Variants in RIMS1 observed in about 807,000 individuals in gnomAD.
The protein encoded by RIMS1 is regulating synaptic membrane exocytosis 1, also known as regulating synaptic membrane exocytosis protein 1.
Under a neutral mutation model 214.1 loss-of-function variants are expected in RIMS1, and 83 were observed. The observed-to-expected ratio is 0.39, with a 90% CI of 0.32 to 0.47. The LOEUF is 0.47. Among genes scored for constraint, RIMS1 ranks in the 20% least tolerant of loss-of-function variants. The pLI is 0.99. For synonymous variants in RIMS1, 793 were observed against 786.8 expected (o/e 1.01, Z -0.13); for missense variants, 2,050 against 2,161.8 (o/e 0.95, Z 1.03).
intron 4 of RIMS1, among the ~76,000 whole-genome samples, chr6:72,100,994 G>T (rs890883669): frequency 6.6e-6 from 1 of 151,934 alleles, no homozygotes; most frequent in Non-Finnish European, 1.5e-5. Flanking sequence ...TTGACTGTAT[G>T]TGGGATAATT....
chr6:72,087,068 T>C (rs1279267967), intron 2 of RIMS1, among the ~76,000 whole-genome samples: 1 of 152,240 alleles, frequency 6.6e-6, no homozygotes, highest in African/African-American at 2.4e-5. Flanking sequence ...AAGTTTTACG[T>C]TGATTTGCTG....
rs760594975 is a variant in RIMS1, at chr6:72,399,004, G to A, written c.4770G>A (p.Lys1590=). Residue 1590 remains lysine (K), a synonymous_variant, in exon 33 of 34, where the codon AAG becomes AAA. Transcript: ENST00000521978. ...YLLENGACIA[K]KKTRIARKTL... Reference sequence around the variant, plus strand: ...TGGAAAATGGGGCCTGTATAGCCAAGAAGAAGACAAGAATTGCACGAAAAA... The same window carrying A: ...TGGAAAATGGGGCCTGTATAGCCAAAAAGAAGACAAGAATTGCACGAAAAA... 2 of 1,610,298 alleles carry A rather than the reference G, an allele frequency of 1.2e-6. No homozygotes were observed. The highest frequency in any genetic ancestry group is 1.7e-6 in the Non-Finnish European group (2 of 1,177,270).
intron 26 of RIMS1, among the ~76,000 whole-genome samples, chr6:72,300,429 G>A (rs1345069867): frequency 1.3e-5 from 2 of 151,718 alleles, no homozygotes; most frequent in Non-Finnish European, 3.0e-5. Context: ...TTTAAATTTA[G>A]CAGAATTGTG....
chr6:72,163,387 TC>T (rs963932686), intron 4 of RIMS1, among the ~76,000 whole-genome samples: 1 of 141,292 alleles, frequency 7.1e-6, no homozygotes, highest in Non-Finnish European at 1.6e-5. Context: ...TCTCGACTCA[TC>T]AAAGTCATTC....
intron 2 of RIMS1, among the ~76,000 whole-genome samples, chr6:72,050,269 A>T (rs376681577): frequency 1.3e-5 from 2 of 152,180 alleles, no homozygotes; most frequent in Non-Finnish European, 2.9e-5. Context: ...AGGACTAGAC[A>T]TCAAATTATT....
chr6:72,138,074 C>CTG lies in RIMS1; in HGVS notation c.471+38104_471+38105dup, dbSNP rs146926164. Among the ~76,000 whole-genome samples the CTG allele has an allele frequency of 9.5e-3, 1,422 of 150,094 alleles. 9 individuals are homozygous for CTG. Among genetic ancestry groups the CTG allele is most frequent in the Non-Finnish European group, 0.015 (1,000 of 67,298 alleles). On this transcript the variant is annotated intron_variant, in intron 4 of 33. Transcript: ENST00000521978. The stretch of plus-strand genomic sequence containing the variant: ...CTTAATGCAAAGATCGTATGTGAGT[C>CTG]TGTGTGTGTGTGTGTGTATGTATAT...
intron 29 of RIMS1, among the ~76,000 whole-genome samples, chr6:72,377,428 A>G (rs903752920): frequency 8.5e-5 from 13 of 152,114 alleles, no homozygotes; most frequent in African/African-American, 3.1e-4. Context: ...TCAGAAGGGA[A>G]CATGGGCTCT....
At chr6:72,382,676 C>A (rs1336314872) in intron 29 of RIMS1, among the ~76,000 whole-genome samples, 1 of 152,174 alleles carries the variant, frequency 6.6e-6, no homozygotes, top group African/African-American at 2.4e-5. Flanking sequence ...TGGCTTCACA[C>A]CTCACTATCT....
At chr6:72,207,345 A>T (rs2053100048) in intron 6 of RIMS1, among the ~76,000 whole-genome samples, 2 of 152,246 alleles carry the variant, frequency 1.3e-5, no homozygotes, top group South Asian at 4.1e-4. Context: ...GCATTTAATT[A>T]CTTAGCTTGT....
At chr6:72,165,446 G>A (rs1416294841) in intron 4 of RIMS1, among the ~76,000 whole-genome samples, 1 of 151,970 alleles carries the variant, frequency 6.6e-6, no homozygotes. Context: ...TCTCCTGTGG[G>A]TCGGTTGGTC....
At chr6:71,972,705 T>C (rs1243117410) in intron 2 of RIMS1, among the ~76,000 whole-genome samples, 1 of 152,146 alleles carries the variant, frequency 6.6e-6, no homozygotes, top group Admixed American at 6.5e-5. Context: ...GGGTATAAGA[T>C]AGAAAAATGA....
chr6:72,112,128 A>C (rs997568674), intron 4 of RIMS1, among the ~76,000 whole-genome samples: 1 of 152,136 alleles, frequency 6.6e-6, no homozygotes, highest in African/African-American at 2.4e-5. Flanking sequence ...TAACAAAACT[A>C]AAAATCTTGG....
intron 4 of RIMS1, among the ~76,000 whole-genome samples, chr6:72,101,974 C>A (rs951408664): frequency 6.6e-6 from 1 of 151,924 alleles, no homozygotes; most frequent in African/African-American, 2.4e-5. Context: ...CAAGTGCACA[C>A]TCTCATTGGC....
intron 4 of RIMS1, among the ~76,000 whole-genome samples, chr6:72,128,496 G>A (rs2039959661): frequency 6.6e-6 from 1 of 151,878 alleles, no homozygotes; most frequent in Non-Finnish European, 1.5e-5. Context: ...CCTCTTAAAA[G>A]TGTTACCACA....
chr6:72,237,243 A>G (rs2064562246), intron 8 of RIMS1, among the ~76,000 whole-genome samples: 1 of 151,398 alleles, frequency 6.6e-6, no homozygotes, highest in Non-Finnish European at 1.5e-5. Flanking sequence ...AAAAAAAGGA[A>G]GGAAGGAAGG....
chr6:71,896,777 A>G (rs996015260), intron 1 of RIMS1, among the ~76,000 whole-genome samples: 6 of 152,080 alleles, frequency 3.9e-5, no homozygotes, highest in African/African-American at 1.2e-4. Flanking sequence ...TTTGCCTTCA[A>G]TGTTTCTAAA....
At chr6:71,899,491 A>ACACAC (rs1554198466) in intron 1 of RIMS1, among the ~76,000 whole-genome samples, 2,196 of 151,086 alleles carry the variant, frequency 0.015, 24 homozygotes, top group Non-Finnish European at 0.019. Context: ...CACACACACA[A>ACACAC]ACACACACAC....
At chr6:72,131,837 C>T (rs1266803341) in intron 4 of RIMS1, among the ~76,000 whole-genome samples, 2 of 152,124 alleles carry the variant, frequency 1.3e-5, no homozygotes, top group African/African-American at 4.8e-5. Flanking sequence ...AAGATGACCA[C>T]ACCCAAGGGG....
intron 2 of RIMS1, among the ~76,000 whole-genome samples, chr6:71,973,793 G>A (rs1451651539): frequency 6.6e-6 from 1 of 152,220 alleles, no homozygotes; most frequent in African/African-American, 2.4e-5. Context: ...CCAATAGGAA[G>A]CTGGGAGCTG....
Sources: gnomAD v4.1 joint callset for allele counts (sites outside exome capture counted in the v4.1 genomes callset) on GRCh38, gnomAD v4.1.1 for gene constraint, MANE v1.5 for transcripts, NCBI Gene and HGNC (gene_info 2026-07-23, HGNC 2026-07-21) for gene names.